The following COL27A1 variants were observed in gnomAD, a reference collection of about 807,000 sequenced individuals.
COL27A1 encodes collagen type XXVII alpha 1 chain, also known as collagen alpha-1(XXVII) chain.
In COL27A1, 106 loss-of-function variants were observed where a neutral mutation model predicts 251.3. That is an observed-to-expected ratio of 0.42 (90% CI 0.36 to 0.50). The LOEUF (loss-of-function observed/expected upper bound fraction) is 0.50, where lower values mean the gene tolerates loss of function less well. COL27A1 is among the 20% of genes least tolerant of loss of function. COL27A1 has a pLI of 0.00. For missense variants in COL27A1, 2,325 were observed against 2,522.8 expected (o/e 0.92, Z 1.68); for synonymous variants, 1,000 against 986.3 (o/e 1.01, Z -0.26).
chr9:114,172,748 C>G (rs1476349314), intron 3 of COL27A1, among the ~76,000 whole-genome samples: 4 of 152,144 alleles, frequency 2.6e-5, no homozygotes, highest in Admixed American at 6.5e-5. Context: ...GAGCCGAGAT[C>G]ATGCCACTGC....
chr9:114,280,311 T>C (rs1253832198), intron 37 of COL27A1, among the ~76,000 whole-genome samples: 1 of 152,056 alleles, frequency 6.6e-6, no homozygotes, highest in East Asian at 1.9e-4. Context: ...CAAGAAATTC[T>C]CATGCCTCGG....
In COL27A1 at chr9:114,211,172, C is replaced by T. The variant is rs1200297431; in HGVS notation, c.2367+146C>T. The T allele has an allele frequency of 9.5e-6, 8 of 842,122 alleles. No individual in the cohort carries two copies. In the East Asian group the frequency reaches 1.8e-4, roughly 19 times the overall value. 52.2% of individuals were successfully genotyped at this position (842,122 alleles called of 1,614,324 possible). On this transcript the variant is annotated intron_variant, in intron 12 of 60. Transcript: ENST00000356083. The stretch of plus-strand genomic sequence containing the variant: ...GGCCGCATGTGGGGTTGTCTGGCCA[C>T]AGGACCTGCTGCTGGCACACGGCGT...
chr9:114,218,950 TG>T (rs1325837626), intron 12 of COL27A1, among the ~76,000 whole-genome samples: 6 of 66,200 alleles, frequency 9.1e-5, no homozygotes, highest in African/African-American at 2.4e-4. Flanking sequence ...ACATGTGCTT[TG>T]TTTTTTTTTT....
intron 7 of COL27A1, among the ~76,000 whole-genome samples, chr9:114,201,596 T>C (rs2567713): frequency 0.71 from 108,040 of 152,092 alleles, 38,926 homozygotes; most frequent in Non-Finnish European, 0.76. Context: ...TCTGGAGTCC[T>C]AGGGAAAAGT....
chr9:114,165,390 C>A (rs1305752524), intron 2 of COL27A1, among the ~76,000 whole-genome samples: 1 of 150,188 alleles, frequency 6.7e-6, no homozygotes, highest in Non-Finnish European at 1.5e-5. Context: ...CAATATCCAT[C>A]CATCCATCCA....
rs550681551 is a variant in COL27A1 at position 114,261,239 on chromosome 9, C to G, written c.3195+2645C>G. ...TGTCCCAGGCAGGAGCTCCTCCCCA[C>G]CAAGCCTGATCCCCAGGCCTGGCTG... On this transcript the variant is annotated intron_variant, in intron 28 of 60. Coordinates refer to ENST00000356083, the MANE Select transcript of COL27A1 (RefSeq NM_032888.4). Among the ~76,000 whole-genome samples the G allele has an allele frequency of 3.3e-5, 5 of 152,332 alleles. No homozygotes were observed. The East Asian group carries it at 9.7e-4, about 29-fold the overall frequency.
chr9:114,158,361 G>A (rs1011927861), intron 1 of COL27A1, among the ~76,000 whole-genome samples: 22 of 152,180 alleles, frequency 1.4e-4, no homozygotes, highest in African/African-American at 4.8e-4. Context: ...GCAGTCTGCC[G>A]GTTCTGGCAG....
chr9:114,261,049 A>T (rs1834293587), intron 28 of COL27A1, among the ~76,000 whole-genome samples: 1 of 152,202 alleles, frequency 6.6e-6, no homozygotes, highest in Non-Finnish European at 1.5e-5. Context: ...CCCCCTCCGT[A>T]AAACGGGTTG....
rs1828270876 is a variant in COL27A1, at chr9:114,185,512, T to G, written c.2016+2437T>G. 2.6e-5 allele frequency among the ~76,000 whole-genome samples: 4 copies of G among 152,170 alleles called. No homozygotes were observed. In the South Asian group the frequency reaches 8.3e-4, roughly 32 times the overall value. ...GGTTAAAGCAGAGGCCTTCCCTGGATGGAAGTAATGACTTGGCTGAGATTG... is the reference window on the plus strand; with the variant it reads ...GGTTAAAGCAGAGGCCTTCCCTGGAGGGAAGTAATGACTTGGCTGAGATTG... On this transcript the variant is annotated intron_variant, in intron 5 of 60. Coordinates refer to ENST00000356083, the MANE Select transcript of COL27A1 (RefSeq NM_032888.4).
chr9:114,301,650 C>A (rs1828645780), intron 54 of COL27A1, 32 bp from the exon 55 acceptor site: 9 of 1,590,314 alleles, frequency 5.7e-6, no homozygotes, highest in Non-Finnish European at 7.7e-6. Context: ...CCCTGTGGAC[C>A]AGGGCTCACT....
At chr9:114,184,966 C>G (rs961557300) in intron 5 of COL27A1, among the ~76,000 whole-genome samples, 5 of 152,140 alleles carry the variant, frequency 3.3e-5, no homozygotes, top group African/African-American at 9.7e-5. Context: ...CCTGTCTCCT[C>G]CCACCCCCAG....
chr9:114,288,810 G>T, intron 43 of COL27A1, 55 bp downstream of exon 43: 1 of 1,600,820 alleles, frequency 6.2e-7, no homozygotes, highest in South Asian at 1.1e-5. Context: ...GGGAGAGGGG[G>T]GATGACACAT....
intron 49 of COL27A1, among the ~76,000 whole-genome samples, chr9:114,297,146 A>T (rs2636873): frequency 0.93 from 141,282 of 152,264 alleles, 65,799 homozygotes; most frequent in East Asian, 1. Flanking sequence ...TACAAGGGTG[A>T]ATACAGACAG....
intron 37 of COL27A1, among the ~76,000 whole-genome samples, chr9:114,281,021 G>A (rs1835867802): frequency 6.6e-6 from 1 of 152,148 alleles, no homozygotes; most frequent in South Asian, 2.1e-4. Context: ...TCCTCTTCCT[G>A]TCCCTCTTCT....
At chr9:114,287,092 G>A (rs552352843) in intron 41 of COL27A1, among the ~76,000 whole-genome samples, 13 of 152,210 alleles carry the variant, frequency 8.5e-5, no homozygotes, top group East Asian at 5.8e-4. Context: ...AGGAATCCCC[G>A]CTCCTTGGGC....
At chr9:114,231,919 T>A in intron 16 of COL27A1, 53 bp downstream of exon 16, 2 of 1,569,054 alleles carry the variant, frequency 1.3e-6, no homozygotes, top group Admixed American at 3.3e-5. Flanking sequence ...GCCACCCCCC[T>A]CTCCGCCCGG....
At chr9:114,242,093 G>C (rs1235478991) in intron 21 of COL27A1, 94 bp from the exon 22 acceptor site, 6 of 1,137,890 alleles carry the variant, frequency 5.3e-6, no homozygotes, top group Non-Finnish European at 1.2e-6. Flanking sequence ...GCTCTCCTCT[G>C]TCCATCCCTT....
At chr9:114,194,891 C>G (rs1351642762) in intron 6 of COL27A1, among the ~76,000 whole-genome samples, 1 of 152,146 alleles carries the variant, frequency 6.6e-6, no homozygotes, top group Non-Finnish European at 1.5e-5. Flanking sequence ...CTGTGGATTT[C>G]TAGGAGGCTA....
chr9:114,265,007 C>T (rs753625049), intron 30 of COL27A1, 39 bp downstream of exon 30: 2 of 1,612,348 alleles, frequency 1.2e-6, no homozygotes, highest in Non-Finnish European at 8.5e-7. Flanking sequence ...GCTGCAGGCC[C>T]CCTCCCTGCT....
Sources: gnomAD v4.1 joint callset for allele counts (sites outside exome capture counted in the v4.1 genomes callset) on GRCh38, gnomAD v4.1.1 for gene constraint, MANE v1.5 for transcripts, NCBI Gene and HGNC (gene_info 2026-07-23, HGNC 2026-07-21) for gene names.